ARHGAP42: variants seen among roughly 807,000 people sequenced by gnomAD.
The protein encoded by ARHGAP42 is Rho GTPase activating protein 42.
ARHGAP42 carries 63 observed loss-of-function variants against 125.0 expected under a neutral mutation model. The ratio of observed to expected loss-of-function variants is 0.50; its 90% CI spans 0.41 to 0.62. The LOEUF (loss-of-function observed/expected upper bound fraction) is 0.62, where lower values mean the gene tolerates loss of function less well. ARHGAP42 is among the 20% of genes least tolerant of loss of function. ARHGAP42 has a pLI of 0.00. For synonymous variants in ARHGAP42, 339 were observed against 351.0 expected, an observed-to-expected ratio of 0.97 and a Z score of 0.38; for missense variants, 766 against 1,024.2, an observed-to-expected ratio of 0.75 and a Z score of 3.44.
rs1861097408 is a variant in ARHGAP42 at position 100,687,308 on chromosome 11, G to T, written c.-371G>T. ...GGCTCACAACGCCGACGACTGTCAA[G>T]AGAGTTGGGGAGTGGAACTGCCGGA... On this transcript the variant is annotated 5_prime_UTR_variant, in exon 1 of 24. Transcript: ENST00000298815. 1.3e-5 allele frequency among the ~76,000 whole-genome samples: 2 copies of T among 152,150 alleles called. No individual in the cohort carries two copies. Among genetic ancestry groups the T allele is most frequent in the African/African-American group, 4.8e-5 (2 of 41,438 alleles).
At chr11:100,952,352 T>C (rs1050616045) in intron 12 of ARHGAP42, among the ~76,000 whole-genome samples, 1 of 152,150 alleles carries the variant, frequency 6.6e-6, no homozygotes, top group African/African-American at 2.4e-5. Context: ...TCCTGACAAA[T>C]ATAATCTTTT....
intron 6 of ARHGAP42, among the ~76,000 whole-genome samples, chr11:100,927,150 T>TA (rs1316702638): frequency 2.0e-5 from 3 of 152,216 alleles, no homozygotes; most frequent in Non-Finnish European, 1.5e-5. Context: ...TACTATAAAA[T>TA]ACTTTTCAGA....
intron 3 of ARHGAP42, among the ~76,000 whole-genome samples, chr11:100,836,860 C>T (rs983419961): frequency 6.6e-5 from 10 of 150,748 alleles, no homozygotes; most frequent in African/African-American, 2.4e-4. Flanking sequence ...TTTTTACAAC[C>T]AATTTTGAAT....
At chr11:100,889,276 G>A (rs1385520600) in intron 4 of ARHGAP42, among the ~76,000 whole-genome samples, 1 of 152,086 alleles carries the variant, frequency 6.6e-6, no homozygotes, top group Non-Finnish European at 1.5e-5. Context: ...TTGACAGGTG[G>A]GGCCTTTTGA....
intron 19 of ARHGAP42, 145 bp downstream of exon 19, chr11:100,974,748 C>T: frequency 1.0e-6 from 1 of 963,566 alleles, no homozygotes; most frequent in South Asian, 2.9e-5. Flanking sequence ...TGTATATTCT[C>T]TGTCAATAGT....
At chr11:100,890,422 G>A (rs763617588) in intron 4 of ARHGAP42, among the ~76,000 whole-genome samples, 3 of 152,120 alleles carry the variant, frequency 2.0e-5, no homozygotes, top group Non-Finnish European at 4.4e-5. Context: ...AATGTACTAA[G>A]TAATTTACAA....
chr11:100,826,072 T>C (rs1015455769), intron 3 of ARHGAP42, among the ~76,000 whole-genome samples: 18 of 151,474 alleles, frequency 1.2e-4, no homozygotes, highest in African/African-American at 9.7e-5. Context: ...GCTGTTTTTT[T>C]TCTCTCTCTC....
At chr11:100,765,366 A>G (rs543984768) in intron 1 of ARHGAP42, among the ~76,000 whole-genome samples, 2 of 140,070 alleles carry the variant, frequency 1.4e-5, no homozygotes, top group South Asian at 2.2e-4. Context: ...CAGTGTGGCA[A>G]TGTGGTGAAC....
intron 1 of ARHGAP42, among the ~76,000 whole-genome samples, chr11:100,742,987 C>G (rs1426794133): frequency 6.6e-6 from 1 of 152,182 alleles, no homozygotes; most frequent in African/African-American, 2.4e-5. Flanking sequence ...CTCTTGAAGA[C>G]AGCAGATATT....
chr11:100,804,737 C>T (rs545962749), intron 3 of ARHGAP42, among the ~76,000 whole-genome samples: 52 of 152,120 alleles, frequency 3.4e-4, no homozygotes, highest in Non-Finnish European at 7.1e-4. Context: ...TGGTCTCAAA[C>T]TCCTGACCTC....
At chr11:100,829,829 A>G (rs1390000555) in intron 3 of ARHGAP42, among the ~76,000 whole-genome samples, 1 of 152,206 alleles carries the variant, frequency 6.6e-6, no homozygotes, top group Non-Finnish European at 1.5e-5. Flanking sequence ...AAAATCGGCT[A>G]GTTCTTTACT....
rs185295475 is a variant in ARHGAP42 at position 100,741,321 on chromosome 11, G to A, written c.155-29022G>A. ...GCTGGGATTACAGGCGTGAGCCACCGCCCCTGGCCGAAGAAATCTTATTCT... is the reference window on the plus strand; with the variant it reads ...GCTGGGATTACAGGCGTGAGCCACCACCCCTGGCCGAAGAAATCTTATTCT... On this transcript the variant is annotated intron_variant, in intron 1 of 23. Coordinates refer to ENST00000298815, the MANE Select transcript of ARHGAP42 (RefSeq NM_152432.4). Among the ~76,000 whole-genome samples the A allele has an allele frequency of 3.6e-3, 542 of 152,206 alleles. 5 individuals are homozygous for A. Among genetic ancestry groups the A allele is most frequent in the African/African-American group, 0.013 (523 of 41,540 alleles).
At chr11:100,852,633 T>G (rs533753612) in intron 3 of ARHGAP42, among the ~76,000 whole-genome samples, 4 of 152,236 alleles carry the variant, frequency 2.6e-5, no homozygotes, top group African/African-American at 7.2e-5. Flanking sequence ...AAAGAAATAT[T>G]TTTGAGGCCC....
intron 2 of ARHGAP42, among the ~76,000 whole-genome samples, chr11:100,791,451 A>G (rs894694825): frequency 6.6e-6 from 1 of 152,224 alleles, no homozygotes; most frequent in Non-Finnish European, 1.5e-5. Flanking sequence ...CTTTGATATT[A>G]TTATAAATGA....
At chr11:100,974,909 G>A (rs1858349180) in intron 19 of ARHGAP42, among the ~76,000 whole-genome samples, 1 of 152,114 alleles carries the variant, frequency 6.6e-6, no homozygotes, top group African/African-American at 2.4e-5. Context: ...TGGTAAAGAA[G>A]AAAGCAAGAC....
chr11:100,920,979 C>T (rs1295189725), intron 5 of ARHGAP42, among the ~76,000 whole-genome samples: 1 of 151,562 alleles, frequency 6.6e-6, no homozygotes, highest in African/African-American at 2.4e-5. Flanking sequence ...CCTCACTTCT[C>T]CCTCTTCTTC....
intron 5 of ARHGAP42, among the ~76,000 whole-genome samples, chr11:100,921,243 ATATTTTTTTTTTTTTT>A (rs1404732651): frequency 8.2e-5 from 2 of 24,312 alleles, no homozygotes; most frequent in Admixed American, 8.6e-4. Context: ...ATATATATAT[ATATTTTTTTTTTTTTT>A]TTTTTTTTTT....
chr11:100,974,280 G>A (rs1019839962), intron 18 of ARHGAP42, among the ~76,000 whole-genome samples, 179 bp from the exon 19 acceptor site: 3 of 152,286 alleles, frequency 2.0e-5, no homozygotes, highest in Non-Finnish European at 4.4e-5. Flanking sequence ...TGGGAAATGG[G>A]AGAGAATAAA....
chr11:100,953,225 C>A (rs1034995520), intron 12 of ARHGAP42, among the ~76,000 whole-genome samples: 1 of 152,048 alleles, frequency 6.6e-6, no homozygotes, highest in Non-Finnish European at 1.5e-5. Context: ...TATTGGAAAC[C>A]AGTACCAGCC....
Sources: gnomAD v4.1 joint callset for allele counts (sites outside exome capture counted in the v4.1 genomes callset) on GRCh38, gnomAD v4.1.1 for gene constraint, MANE v1.5 for transcripts, NCBI Gene and HGNC (gene_info 2026-07-23, HGNC 2026-07-21) for gene names.